The following MTMR4 variants were observed in gnomAD, a reference collection of about 807,000 sequenced individuals.
MTMR4 encodes phosphatidylinositol-3,5-bisphosphate 3-phosphatase MTMR4.
In MTMR4, 30 loss-of-function variants were observed where a neutral mutation model predicts 125.5. The observed-to-expected ratio is 0.24, with a 90% CI of 0.18 to 0.32. MTMR4 has a LOEUF of 0.32. Among genes scored for constraint, MTMR4 ranks in the 10% least tolerant of loss-of-function variants. The pLI is 1.00. For synonymous variants in MTMR4, 498 were observed against 564.5 expected, an observed-to-expected ratio of 0.88 and a Z score of 1.67; for missense variants, 1,039 against 1,511.5, an observed-to-expected ratio of 0.69 and a Z score of 5.18.
At chr17:58,503,628 C>A in intron 14 of MTMR4, 116 bp downstream of exon 14, 1 of 1,324,670 alleles carries the variant, frequency 7.5e-7, no homozygotes, top group Admixed American at 2.3e-5. Context: ...CCACCCTGGG[C>A]GACAAAGTGA....
chr17:58,495,700 A>G lies in MTMR4; in HGVS notation c.2484T>C (p.Val828=). 6.2e-7 allele frequency: 1 copy of G among 1,614,146 alleles called. No homozygotes were observed. Among genetic ancestry groups the G allele is most frequent in the Non-Finnish European group, 8.5e-7 (1 of 1,180,032 alleles). Residue 828 remains valine, a synonymous_variant, in exon 15 of 18, where the codon GTT becomes GTC. Coordinates refer to ENST00000682306, the MANE Select transcript of MTMR4 (RefSeq NM_001378067.1). ...GGCAGGCAGCACTCGGTGGGTTGCAAACGGTGCTGAGGCTGTGATCAAGAA... is the reference window on the plus strand; with the variant it reads ...GGCAGGCAGCACTCGGTGGGTTGCAGACGGTGCTGAGGCTGTGATCAAGAA... ...KCVLDHSLST[V]CNPPSAACQT...
chr17:58,513,618 C>T (rs1348689480), intron 1 of MTMR4, among the ~76,000 whole-genome samples: 1 of 152,058 alleles, frequency 6.6e-6, no homozygotes, highest in African/African-American at 2.4e-5. Context: ...AAAAGGAACT[C>T]CCCTCCCAAC....
chr17:58,494,958 G>C lies in MTMR4; in HGVS notation c.3226C>G (p.Pro1076Ala). ...AAATCATCCTCATAGTCCATGGGGG[G>C]CTCTGCTGGAGGGGCACAGCAGTGA... ...IRHCCAPPAE[P>A]PMDYEDDFTC... Residue 1076 changes from proline (P) to alanine (A), a missense_variant, in exon 15 of 18, where the codon CCC becomes GCC. By Grantham distance (27) the Pro-to-Ala change is conservative. Around this residue, in one of 6 missense-constraint regions of MTMR4, gnomAD observed 619 missense variants for 714.5 expected, o/e 0.87. Coordinates refer to ENST00000682306, the MANE Select transcript of MTMR4 (RefSeq NM_001378067.1). 1 of 1,614,140 alleles carries C rather than the reference G, an allele frequency of 6.2e-7. No individual in the cohort carries two copies. Among genetic ancestry groups the C allele is most frequent in the African/African-American group, 1.3e-5 (1 of 75,054 alleles).
intron 14 of MTMR4, among the ~76,000 whole-genome samples, chr17:58,503,542 G>A (rs552464334): frequency 2.2e-4 from 33 of 152,186 alleles, no homozygotes; most frequent in East Asian, 2.1e-3. Flanking sequence ...CAAGCTACTC[G>A]GGAGGCTGGG....
Position 58,503,741 on chromosome 17 carries a change from T to C in MTMR4, c.1853+3A>G. The C allele has an allele frequency of 6.2e-7, 1 of 1,612,566 alleles. No homozygotes were observed. Among genetic ancestry groups the C allele is most frequent in the Non-Finnish European group, 8.5e-7 (1 of 1,179,144 alleles). ...AGGAGAAAGGAAGAAGGGCTTTTCT[T>C]ACCTGTCCAGAGAGCGGCCAGAGAA... On this transcript the variant is annotated splice_donor_region_variant and intron_variant, in intron 14 of 17. Coordinates refer to ENST00000682306, the MANE Select transcript of MTMR4 (RefSeq NM_001378067.1).
intron 4 of MTMR4, among the ~76,000 whole-genome samples, chr17:58,509,413 A>AT (rs1430093180): frequency 7.6e-6 from 1 of 131,920 alleles, no homozygotes; most frequent in Non-Finnish European, 1.6e-5. Flanking sequence ...ATATATATAT[A>AT]CCTTTTTTTT....
chr17:58,518,739 A>G (rs1359169137), upstream of MTMR4, among the ~76,000 whole-genome samples: 1 of 152,184 alleles, frequency 6.6e-6, no homozygotes, highest in Non-Finnish European at 1.5e-5. Flanking sequence ...GACCCAGAAC[A>G]GACCACAAGA....
chr17:58,506,961 T>G (rs376450602), intron 8 of MTMR4, 90 bp from the exon 9 acceptor site: 1 of 1,564,110 alleles, frequency 6.4e-7, no homozygotes. Context: ...AGGCAGAACA[T>G]GCAACTAGAG....
Position 58,495,494 on chromosome 17 carries a change from A to T in MTMR4, c.2690T>A (p.Met897Lys). Residue 897 changes from methionine to lysine, a missense_variant, in exon 15 of 18, where the codon ATG becomes AAG. This residue lies in a region of MTMR4 where 619 missense variants were observed against 714.5 expected (regional missense o/e 0.87). Coordinates refer to ENST00000682306, the MANE Select transcript of MTMR4 (RefSeq NM_001378067.1). ...TGGCTTCCGGACCAATTCCAATGGC[A>T]TTTTCCCAAAGCGAGGATTTTCCAA... ...QLLENPRFGK[M>K]PLELVRKPIS... 1 of 1,614,184 alleles carries T rather than the reference A, an allele frequency of 6.2e-7. No individual in the cohort carries two copies. Among genetic ancestry groups the T allele is most frequent in the Non-Finnish European group, 8.5e-7 (1 of 1,180,036 alleles).
upstream of MTMR4, chr17:58,514,905 C>T (rs568148220): frequency 1.3e-5 from 9 of 715,926 alleles, no homozygotes; most frequent in Middle Eastern, 1.5e-3. Flanking sequence ...CCCTAAGTTC[C>T]CCCGACGCCT....
intron 15 of MTMR4, among the ~76,000 whole-genome samples, chr17:58,494,000 T>A (rs1975384345): frequency 2.0e-5 from 3 of 152,058 alleles, no homozygotes; most frequent in Admixed American, 6.6e-5. Flanking sequence ...CCAATCTGGG[T>A]CTCAACTGCC....
In MTMR4 at chr17:58,512,844, C is replaced by T. The variant is rs761983913; in HGVS notation, c.135+8G>A. On this transcript the variant is annotated splice_region_variant and intron_variant, in intron 2 of 17. Transcript: ENST00000682306. This position sits in a 1 kb window ranked among gnomAD's most constrained non-coding sequence, Gnocchi z 4.1. ...CCCCATCTATCCTGGCCCCCAACTC[C>T]TCCTTACCTGAAGATTCTCTTCCTC... is the stretch of plus-strand genomic sequence containing the variant. 2.5e-6 allele frequency: 4 copies of T among 1,612,012 alleles called. No individual in the cohort carries two copies. The highest frequency in any genetic ancestry group is 1.1e-5 in the South Asian group (1 of 91,012).
Position 58,508,980 on chromosome 17 carries a change from G to A in MTMR4, c.336-139C>T, listed in dbSNP as rs960605460. On this transcript the variant is annotated intron_variant, in intron 4 of 17. Coordinates refer to ENST00000682306, the MANE Select transcript of MTMR4 (RefSeq NM_001378067.1). The surrounding 1 kb of genome is among the most constrained non-coding windows in gnomAD (Gnocchi z 4.8). ...AAGAGGTAAAGCAGTGGGGACCCAG[G>A]GTGGGGGGACGAGGGACACTGGCCA... The A allele has an allele frequency of 3.3e-6, 3 of 900,216 alleles. No individual in the cohort carries two copies. The African/African-American group carries it at 5.1e-5, about 15-fold the overall frequency. 55.8% of individuals were successfully genotyped at this position (900,216 alleles called of 1,614,324 possible).
In MTMR4 at chr17:58,508,491, G is replaced by A. The variant is rs1391220520; in HGVS notation, c.570C>T (p.Val190=). The A allele has an allele frequency of 1.2e-6, 2 of 1,614,218 alleles. No individual in the cohort carries two copies. The highest frequency in any genetic ancestry group is 2.7e-5 in the African/African-American group (2 of 75,056). Reference sequence around the variant, plus strand: ...ACTTGTAGTTGCTGTTGATGTGTGAGACTCTCCAGACGTTCTGCAGGTCAA... The same window carrying A: ...ACTTGTAGTTGCTGTTGATGTGTGAAACTCTCCAGACGTTCTGCAGGTCAA... The part of the protein sequence containing the change: ...MGFDLQNVWR[V]SHINSNYKLC... Residue 190 remains valine, a synonymous_variant, in exon 6 of 18, where the codon GTC becomes GTT. Transcript: ENST00000682306. The surrounding 1 kb of genome is among the most constrained non-coding windows in gnomAD (Gnocchi z 4.8).
At chr17:58,505,383 A>C in intron 10 of MTMR4, 89 bp downstream of exon 10, 1 of 1,195,046 alleles carries the variant, frequency 8.4e-7, no homozygotes, top group Non-Finnish European at 1.2e-6. Context: ...CTGCTCTCCA[A>C]ACTTCTCATC....
intron 14 of MTMR4, among the ~76,000 whole-genome samples, chr17:58,497,875 G>A (rs1975514768): frequency 6.6e-6 from 1 of 152,154 alleles, no homozygotes; most frequent in Non-Finnish European, 1.5e-5. Context: ...TCTTTTAAGT[G>A]CCACAGCTGA....
At chr17:58,494,603 T>G (rs1446484485) in intron 15 of MTMR4, among the ~76,000 whole-genome samples, 1 of 152,146 alleles carries the variant, frequency 6.6e-6, no homozygotes, top group Non-Finnish European at 1.5e-5. Flanking sequence ...CATTGGAGTA[T>G]CTATTGCCAC....
Position 58,512,574 on chromosome 17 carries a change from G to T in MTMR4, c.136-68C>A. ...CACCTTATCCTCTTCTACAGCCCCT[G>T]ATCTGTGGGATCCCCTCTGGAAAAG... On this transcript the variant is annotated intron_variant, in intron 2 of 17. Coordinates refer to ENST00000682306, the MANE Select transcript of MTMR4 (RefSeq NM_001378067.1). The surrounding 1 kb of genome is among the most constrained non-coding windows in gnomAD (Gnocchi z 4.1). The T allele has an allele frequency of 7.9e-7, 1 of 1,270,938 alleles. No individual in the cohort carries two copies. Among genetic ancestry groups the T allele is most frequent in the Non-Finnish European group, 1.1e-6 (1 of 873,950 alleles). The allele number at this position is 1,270,938 out of a possible 1,614,324, so 78.7% of individuals were successfully genotyped here.
rs1278130749 is a variant in MTMR4, at chr17:58,495,565, C to T, written c.2619G>A (p.Gly873=). Residue 873 remains glycine (G), a synonymous_variant, in exon 15 of 18, where the codon GGG becomes GGA. Coordinates refer to ENST00000682306, the MANE Select transcript of MTMR4 (RefSeq NM_001378067.1). ...QLSSVPDLTH[G]EEDIGKRGNN... The stretch of plus-strand genomic sequence containing the variant: ...TTCCTCTTTTACCAATGTCTTCCTC[C>T]CCATGGGTCAGATCCGGCACAGAAC... 1.9e-6 allele frequency: 3 copies of T among 1,614,172 alleles called. No homozygotes were observed. In the Admixed American group the frequency reaches 5.0e-5, roughly 27 times the overall value.
Sources: allele counts gnomAD v4.1 joint callset (sites outside exome capture counted in the v4.1 genomes callset), GRCh38; gene constraint gnomAD v4.1.1; regional missense constraint gnomAD v4.1.1; non-coding constraint Gnocchi (gnomAD v3.1); transcripts MANE v1.5; gene names NCBI Gene and HGNC (gene_info 2026-07-23, HGNC 2026-07-21).